Variants in KBTBD2 observed in about 807,000 individuals in gnomAD.
KBTBD2 encodes kelch repeat and BTB domain containing 2, also known as kelch repeat and BTB domain-containing protein 2.
A neutral mutation model predicts 57.1 loss-of-function variants in KBTBD2; 17 were observed. The ratio of observed to expected loss-of-function variants is 0.30; its 90% CI spans 0.20 to 0.45. KBTBD2 has a LOEUF of 0.45. Among genes scored for constraint, KBTBD2 ranks in the 20% least tolerant of loss-of-function variants. The pLI is 1.00. For synonymous variants in KBTBD2, 267 were observed against 262.7 expected, an observed-to-expected ratio of 1.02 and a Z score of -0.16; for missense variants, 515 against 750.6, an observed-to-expected ratio of 0.69 and a Z score of 3.67.
chr7:32,886,649 G>T (rs973693), intron 1 of KBTBD2, among the ~76,000 whole-genome samples: 150,189 of 152,286 alleles, frequency 0.99, 74,091 homozygotes, highest in East Asian at 1. Context: ...GTGTTTCTAT[G>T]CAACAAATTT....
At chr7:32,874,443 A>T (rs1381902951) in intron 3 of KBTBD2, 1 of 151,512 alleles carries the variant, frequency 6.6e-6, no homozygotes, top group East Asian at 1.9e-4. Context: ...TAAATAAATA[A>T]AAATAGTAGC....
At position 32,880,734 on chromosome 7, in the gene KBTBD2, G is replaced by A. The variant is rs563320042; in HGVS notation, c.-338-792C>T. ...GCTAAGATATTTGAGGGGAAGAAGGGCAAGTTTTTAATGATTTTTATGAAA... is the reference window on the plus strand; with the variant it reads ...GCTAAGATATTTGAGGGGAAGAAGGACAAGTTTTTAATGATTTTTATGAAA... On this transcript the variant is annotated intron_variant, in intron 1 of 3. Coordinates refer to ENST00000304056, the MANE Select transcript of KBTBD2 (RefSeq NM_015483.3). Among the ~76,000 whole-genome samples the A allele has an allele frequency of 5.9e-5, 9 of 152,272 alleles. No homozygotes were observed. The South Asian group carries it at 1.7e-3, about 28-fold the overall frequency.
chr7:32,873,431 TG>T (rs1211942498), intron 3 of KBTBD2, among the ~76,000 whole-genome samples: 1 of 148,106 alleles, frequency 6.8e-6, no homozygotes, highest in Non-Finnish European at 1.5e-5. Flanking sequence ...CAATAAACAC[TG>T]TTAAAAATTA....
At chr7:32,885,948 G>A (rs145578681) in intron 1 of KBTBD2, among the ~76,000 whole-genome samples, 14,784 of 143,964 alleles carry the variant, frequency 0.1, 816 homozygotes, top group East Asian at 0.15. Flanking sequence ...TCGCTCTGTC[G>A]CCCAGGCTGG....
chr7:32,877,803 T>C (rs1260877179), intron 2 of KBTBD2, among the ~76,000 whole-genome samples: 2 of 152,114 alleles, frequency 1.3e-5, no homozygotes, highest in Admixed American at 6.5e-5. Context: ...GGGGGACTGA[T>C]TGGTTAACAA....
intron 1 of KBTBD2, chr7:32,890,962 A>C (rs1359739766): frequency 6.6e-6 from 1 of 152,248 alleles, no homozygotes; most frequent in Non-Finnish European, 1.5e-5. Context: ...AAGATTTCAC[A>C]AAGTAAACAC....
Position 32,870,884 on chromosome 7 carries a change from G to C in KBTBD2, c.337-4C>G. On this transcript the variant is annotated splice_region_variant and splice_polypyrimidine_tract_variant and intron_variant, in intron 3 of 3. Transcript: ENST00000304056. ...AACGTTGTAACACATCTTCTACCTAGAATGAGAAGGAAAAAAAAAACAGGC... is the reference window on the plus strand; with the variant it reads ...AACGTTGTAACACATCTTCTACCTACAATGAGAAGGAAAAAAAAAACAGGC... 1 of 1,483,896 alleles carries C rather than the reference G, an allele frequency of 6.7e-7. No homozygotes were observed. The highest frequency in any genetic ancestry group is 9.0e-7 in the Non-Finnish European group (1 of 1,116,750). 91.9% of individuals were successfully genotyped at this position (1,483,896 alleles called of 1,614,324 possible). A position where few individuals can be genotyped will look rare whatever the true frequency, so the allele number is the denominator to read the frequency against.
intron 1 of KBTBD2, among the ~76,000 whole-genome samples, chr7:32,883,771 T>G (rs1784500342): frequency 6.6e-6 from 1 of 152,222 alleles, no homozygotes; most frequent in South Asian, 2.1e-4. Context: ...GAATACTAAG[T>G]GCCAATCATT....
rs1784157565 is a variant in KBTBD2, at chr7:32,870,834, A to G, written c.383T>C (p.Ile128Thr). 1 of 1,597,446 alleles carries G rather than the reference A, an allele frequency of 6.3e-7. No homozygotes were observed. The highest frequency in any genetic ancestry group is 1.4e-5 in the African/African-American group (1 of 73,850). ...CAATCGTACACAATTCTCTGCATTT[A>G]TTTTTTTAATTAAATATTCTCGACA... is the stretch of plus-strand genomic sequence containing the variant. ...QRCREYLIKKINAENCVRLLS... is the reference protein window; with the variant it reads ...QRCREYLIKKTNAENCVRLLS... Residue 128 changes from isoleucine to threonine, a missense_variant, in exon 4 of 4, where the codon ATA becomes ACA. By Grantham distance (89) the Ile-to-Thr change is moderately conservative. Coordinates refer to ENST00000304056, the MANE Select transcript of KBTBD2 (RefSeq NM_015483.3).
intron 3 of KBTBD2, among the ~76,000 whole-genome samples, chr7:32,871,554 C>CTGTTTACACT (rs2127948198): frequency 6.6e-6 from 1 of 152,262 alleles, no homozygotes. Context: ...TAACTAGAAA[C>CTGTTTACACT]TGTTTACACT....
chr7:32,887,679 G>A (rs1294253404), intron 1 of KBTBD2, among the ~76,000 whole-genome samples: 1 of 152,204 alleles, frequency 6.6e-6, no homozygotes, highest in East Asian at 1.9e-4. Flanking sequence ...TGTCAATAGA[G>A]AAGATTAAAA....
At chr7:32,885,787 C>T (rs552250745) in intron 1 of KBTBD2, among the ~76,000 whole-genome samples, 1 of 152,258 alleles carries the variant, frequency 6.6e-6, no homozygotes, top group East Asian at 1.9e-4. Context: ...ATTCTTACTC[C>T]TTCTTTTAAG....
chr7:32,882,040 G>A (rs777803531), intron 1 of KBTBD2, among the ~76,000 whole-genome samples: 12 of 151,634 alleles, frequency 7.9e-5, no homozygotes, highest in Non-Finnish European at 1.6e-4. Flanking sequence ...ATAGCCTCAC[G>A]TTACTTCAGG....
Position 32,869,475 on chromosome 7 carries a change from C to T in KBTBD2, c.1742G>A (p.Cys581Tyr). 1 of 1,614,110 alleles carries T rather than the reference C, an allele frequency of 6.2e-7. No homozygotes were observed. The part of the protein sequence containing the change: ...VLWDLGRDFR[C>Y]TVGKLYPSCL... ...GGATGGATAGAGTTTCCCCACAGTG[C>T]ATCGAAAATCTCTCCCCAAGTCCCA... is the stretch of plus-strand genomic sequence containing the variant. Residue 581 changes from cysteine to tyrosine, a missense_variant, in exon 4 of 4, where the codon TGC becomes TAC. Coordinates refer to ENST00000304056, the MANE Select transcript of KBTBD2 (RefSeq NM_015483.3).
chr7:32,872,498 A>C (rs918735932), intron 3 of KBTBD2, among the ~76,000 whole-genome samples: 5 of 152,124 alleles, frequency 3.3e-5, no homozygotes, highest in African/African-American at 1.2e-4. Context: ...TGGGCAACAT[A>C]AGATCTTGTC....
chr7:32,891,156 G>A (rs1465478775), intron 1 of KBTBD2: 4 of 151,858 alleles, frequency 2.6e-5, no homozygotes, highest in Admixed American at 1.3e-4. Flanking sequence ...GAGTCTTTAA[G>A]GGAAACAGCT....
At position 32,875,158 on chromosome 7, in the gene KBTBD2, C is replaced by T; in HGVS notation, c.171-1G>A. The T allele has an allele frequency of 6.2e-7, 1 of 1,612,278 alleles. No individual in the cohort carries two copies. Among genetic ancestry groups the T allele is most frequent in the Non-Finnish European group, 8.5e-7 (1 of 1,179,358 alleles). ...ACTTAGTCCACTCATAAACATGGCC[C>T]TACAGGGGAGATGAAGAAAACAAAG... On this transcript the variant is annotated splice_acceptor_variant, in intron 2 of 3. Transcript: ENST00000304056. LOFTEE classifies it high-confidence loss of function.
chr7:32,879,678 T>C lies in KBTBD2; in HGVS notation c.-74A>G. 1.6e-6 allele frequency: 2 copies of C among 1,255,266 alleles called. No individual in the cohort carries two copies. Among genetic ancestry groups the C allele is most frequent in the Non-Finnish European group, 2.3e-6 (2 of 881,576 alleles). The allele number at this position is 1,255,266 out of a possible 1,614,324, so 77.8% of individuals were successfully genotyped here. A position where few individuals can be genotyped will look rare whatever the true frequency, so the allele number is the denominator to read the frequency against. On this transcript the variant is annotated 5_prime_UTR_variant, in exon 2 of 4. Transcript: ENST00000304056. ...TACTGATGGAAGGTCAAGTGAATAC[T>C]TCAGAAATAAAGGAGAACCTACTTG...
chr7:32,873,858 CTACT>C (rs1394270259), intron 3 of KBTBD2, among the ~76,000 whole-genome samples: 1 of 152,238 alleles, frequency 6.6e-6, no homozygotes, highest in African/African-American at 2.4e-5. Context: ...CATCACAAAA[CTACT>C]TAGTTTACTG....
Sources: gnomAD v4.1 joint callset for allele counts (sites outside exome capture counted in the v4.1 genomes callset) on GRCh38, gnomAD v4.1.1 for gene constraint, MANE v1.5 for transcripts, NCBI Gene and HGNC (gene_info 2026-07-23, HGNC 2026-07-21) for gene names.